Variants in PRPF40B observed in about 807,000 individuals in gnomAD.
PRPF40B encodes pre-mRNA-processing factor 40 homolog B.
A neutral mutation model predicts 124.5 loss-of-function variants in PRPF40B; 56 were observed. That is an observed-to-expected ratio of 0.45 (90% CI 0.36 to 0.56). The LOEUF (loss-of-function observed/expected upper bound fraction) is 0.56, where lower values mean the gene tolerates loss of function less well. Among genes scored for constraint, PRPF40B ranks in the 20% least tolerant of loss-of-function variants. The probability of loss-of-function intolerance (pLI) is 0.00; values close to 1 mark genes in which losing one functional copy is unlikely to be tolerated. For synonymous variants in PRPF40B, 443 were observed against 426.4 expected (o/e 1.04, Z -0.48); for missense variants, 1,053 against 1,169.5 (o/e 0.90, Z 1.45).
At position 49,633,459 on chromosome 12, in the gene PRPF40B, CA is replaced by C; in HGVS notation, c.494del (p.Lys165SerfsTer28). 6.2e-7 allele frequency: 1 copy of C among 1,614,202 alleles called. No individual in the cohort carries two copies. On this transcript the variant is annotated frameshift_variant, in exon 8 of 26. Coordinates refer to ENST00000548825, the MANE Select transcript of PRPF40B (RefSeq NM_001031698.3). LOFTEE classifies it high-confidence loss of function. The stretch of plus-strand genomic sequence containing the variant: ...TGTCCCAATGTCCCTGGAAAGAGTA[CA>C]AGTCGGACACAGGCAAACCTTATTA... ...LLSQCPWKEY[K>X]SDTGKPYYYN... is the part of the protein sequence containing the mutation.
At chr12:49,632,022 T>C (rs1296922768) in intron 4 of PRPF40B, 97 bp downstream of exon 4, 4 of 1,234,472 alleles carry the variant, frequency 3.2e-6, no homozygotes, top group Non-Finnish European at 4.8e-6. Context: ...TTCCCTCTTC[T>C]CATCGCATCC....
rs1941234831 is a variant in PRPF40B at position 49,631,609 on chromosome 12, G to A, written c.228+65G>A. 2.0e-6 allele frequency: 3 copies of A among 1,509,190 alleles called. No homozygotes were observed. The highest frequency in any genetic ancestry group is 1.4e-5 in the African/African-American group (1 of 71,524). 93.5% of individuals were successfully genotyped at this position (1,509,190 alleles called of 1,614,324 possible). ...TCAGTTTAGCTGGGGGTGGAGATAAGAGCGGGCATGTAGGCCTCAGAAACT... is the reference window on the plus strand; with the variant it reads ...TCAGTTTAGCTGGGGGTGGAGATAAAAGCGGGCATGTAGGCCTCAGAAACT... On this transcript the variant is annotated intron_variant, in intron 3 of 25. Coordinates refer to ENST00000548825, the MANE Select transcript of PRPF40B (RefSeq NM_001031698.3). The surrounding 1 kb of genome is among the most constrained non-coding windows in gnomAD (Gnocchi z 4.3).
At chr12:49,636,595 C>G in intron 15 of PRPF40B, 121 bp from the exon 16 acceptor site, 2 of 1,408,858 alleles carry the variant, frequency 1.4e-6, no homozygotes, top group Non-Finnish European at 9.8e-7. Context: ...CAGGCCCTTC[C>G]CCCACCACCC....
At chr12:49,632,816 G>A in intron 5 of PRPF40B, 39 bp from the exon 6 acceptor site, 1 of 1,613,960 alleles carries the variant, frequency 6.2e-7, no homozygotes, top group Non-Finnish European at 8.5e-7. Flanking sequence ...ATGGAGGTCG[G>A]AGCAAGGACT....
At chr12:49,627,681 A>C (rs1040417397) in intron 1 of PRPF40B, among the ~76,000 whole-genome samples, 1 of 152,166 alleles carries the variant, frequency 6.6e-6, no homozygotes, top group East Asian at 1.9e-4. Context: ...GTGGGAAGCC[A>C]TTGAAGAGTT....
At position 49,633,465 on chromosome 12, in the gene PRPF40B, G is replaced by A. The variant is rs778921618; in HGVS notation, c.498G>A (p.Ser166=). 8.1e-6 allele frequency: 13 copies of A among 1,614,124 alleles called. No individual in the cohort carries two copies. The highest frequency in any genetic ancestry group is 1.6e-4 in the Middle Eastern group (1 of 6,062). The change falls in exon 8 of 26, where the codon TCG becomes TCA. Residue 166 remains serine, a synonymous_variant. Transcript: ENST00000548825. ...LSQCPWKEYK[S]DTGKPYYYNN... is the part of the protein sequence containing the mutation. ...AATGTCCCTGGAAAGAGTACAAGTC[G>A]GACACAGGCAAACCTTATTACTATA...
chr12:49,643,770 T>C lies in PRPF40B; in HGVS notation c.2442+18T>C, dbSNP rs200990114. On this transcript the variant is annotated intron_variant, in intron 24 of 25. Transcript: ENST00000548825. ...ACAAGTCGGTGAGTGAAGGAACTTCTACCTAAGCCCCTGCTATTTTGTGAG... is the reference window on the plus strand; with the variant it reads ...ACAAGTCGGTGAGTGAAGGAACTTCCACCTAAGCCCCTGCTATTTTGTGAG... The C allele has an allele frequency of 9.4e-4, 1,518 of 1,613,512 alleles. No homozygotes were observed. Among genetic ancestry groups the C allele is most frequent in the Non-Finnish European group, 1.2e-3 (1,463 of 1,179,908 alleles).
chr12:49,644,010 G>C lies in PRPF40B; in HGVS notation c.2586+6G>C, dbSNP rs760210737. ...TTGGAATCAAGAAGGAGAAGGTGAG[G>C]GGCAGGGGCCCTAGGCCAGTCAGCA... On this transcript the variant is annotated splice_donor_region_variant and intron_variant, in intron 25 of 25. Transcript: ENST00000548825. 3 of 1,613,996 alleles carry C rather than the reference G, an allele frequency of 1.9e-6. No homozygotes were observed. The highest frequency in any genetic ancestry group is 2.5e-6 in the Non-Finnish European group (3 of 1,180,004).
At position 49,643,417 on chromosome 12, in the gene PRPF40B, G is replaced by C. The variant is rs374374885; in HGVS notation, c.2380+20G>C. On this transcript the variant is annotated intron_variant, in intron 23 of 25. Coordinates refer to ENST00000548825, the MANE Select transcript of PRPF40B (RefSeq NM_001031698.3). ...GAGCAGGTAAGCAGTTGCTGTGAGCGTAGAAGCTGGAGAACTGTTGTCCCA... is the reference window on the plus strand; with the variant it reads ...GAGCAGGTAAGCAGTTGCTGTGAGCCTAGAAGCTGGAGAACTGTTGTCCCA... 13 of 1,535,172 alleles carry C rather than the reference G, an allele frequency of 8.5e-6. No homozygotes were observed. Among genetic ancestry groups the C allele is most frequent in the Middle Eastern group, 1.8e-4 (1 of 5,588 alleles).
rs1294006307 is a variant in PRPF40B at position 49,642,031 on chromosome 12, G to T, written c.1884+7G>T. On this transcript the variant is annotated splice_region_variant and intron_variant, in intron 19 of 25. Coordinates refer to ENST00000548825, the MANE Select transcript of PRPF40B (RefSeq NM_001031698.3). This position sits in a 1 kb window ranked among gnomAD's most constrained non-coding sequence, Gnocchi z 5.8. ...CAAGCTGACCTTCAATAGTGTGAGG[G>T]GCTGGGCGGGGCGTGGGAAGTTCTC... is the stretch of plus-strand genomic sequence containing the variant. 1.2e-6 allele frequency: 2 copies of T among 1,611,070 alleles called. No individual in the cohort carries two copies. The highest frequency in any genetic ancestry group is 3.3e-5 in the Admixed American group (2 of 60,026).
intron 2 of PRPF40B, among the ~76,000 whole-genome samples, chr12:49,630,829 T>TGTCTTTTTG (rs564895257): frequency 1.9e-4 from 29 of 152,308 alleles, no homozygotes; most frequent in Admixed American, 1.4e-3. Flanking sequence ...ATTCCCCCTT[T>TGTCTTTTTG]GTCTTTTTGA....
intron 18 of PRPF40B, chr12:49,638,499 A>G (rs1555211951): frequency 6.6e-6 from 1 of 152,176 alleles, no homozygotes; most frequent in Non-Finnish European, 1.5e-5. Flanking sequence ...ACCATCACAC[A>G]TGGCCTGTTG....
intron 1 of PRPF40B, among the ~76,000 whole-genome samples, chr12:49,625,462 T>G (rs1940619928): frequency 6.6e-6 from 1 of 152,250 alleles, no homozygotes; most frequent in Admixed American, 6.5e-5. Context: ...TAATAAGTGC[T>G]CAGTAAATAT....
At chr12:49,623,678 A>G in intron 1 of PRPF40B, 85 bp downstream of exon 1, 1 of 1,034,996 alleles carries the variant, frequency 9.7e-7, no homozygotes, top group African/African-American at 1.9e-5. Context: ...TGGGGCGGGG[A>G]GGCCGCTGGG....
In PRPF40B at chr12:49,633,085, C is replaced by T. The variant is rs756720956; in HGVS notation, c.420C>T (p.Ser140=). The change falls in exon 7 of 26, where the codon TCC becomes TCT. Residue 140 remains serine, a synonymous_variant. Coordinates refer to ENST00000548825, the MANE Select transcript of PRPF40B (RefSeq NM_001031698.3). The part of the protein sequence containing the change: ...IYYYNADDKQ[S]VWEKPSVLKS... ...ACTACAATGCTGACGACAAGCAGTC[C>T]GTGTGGGAGAAGCCCAGCGTGCTCA... 6.3e-5 allele frequency: 100 copies of T among 1,596,164 alleles called. No individual in the cohort carries two copies. Among genetic ancestry groups the T allele is most frequent in the Non-Finnish European group, 7.7e-5 (90 of 1,171,670 alleles).
At chr12:49,634,993 T>C (rs1050454627) in intron 12 of PRPF40B, 106 bp from the exon 13 acceptor site, 15 of 1,218,810 alleles carry the variant, frequency 1.2e-5, no homozygotes, top group Non-Finnish European at 1.6e-5. Context: ...ATCTGTGCCC[T>C]TGGAGCCCCT....
intron 1 of PRPF40B, 94 bp downstream of exon 1, chr12:49,623,687 G>T (rs1255506998): frequency 4.1e-6 from 5 of 1,223,626 alleles, no homozygotes; most frequent in Non-Finnish European, 5.1e-6. Flanking sequence ...GAGGCCGCTG[G>T]GGATAGCTGG....
intron 12 of PRPF40B, 108 bp downstream of exon 12, chr12:49,634,710 A>C: frequency 2.9e-6 from 4 of 1,396,320 alleles, no homozygotes; most frequent in Non-Finnish European, 4.0e-6. Context: ...CAGAGTCAGG[A>C]CAGTGATAGA....
At position 49,635,326 on chromosome 12, in the gene PRPF40B, G is replaced by C. The variant is rs1166686333; in HGVS notation, c.1167-39G>C. 6.2e-7 allele frequency: 1 copy of C among 1,609,360 alleles called. No individual in the cohort carries two copies. The highest frequency in any genetic ancestry group is 1.3e-5 in the African/African-American group (1 of 74,822). On this transcript the variant is annotated intron_variant, in intron 13 of 25. Coordinates refer to ENST00000548825, the MANE Select transcript of PRPF40B (RefSeq NM_001031698.3). The surrounding 1 kb of genome is among the most constrained non-coding windows in gnomAD (Gnocchi z 4.1). Reference sequence around the variant, plus strand: ...GAGAACACAAAGGTCCAGGGTCTCTGTTCTCTGTCTACCTACTCACAGCTT... The same window carrying C: ...GAGAACACAAAGGTCCAGGGTCTCTCTTCTCTGTCTACCTACTCACAGCTT...
Sources: allele counts gnomAD v4.1 joint callset (sites outside exome capture counted in the v4.1 genomes callset), GRCh38; gene constraint gnomAD v4.1.1; non-coding constraint Gnocchi (gnomAD v3.1); transcripts MANE v1.5; gene names NCBI Gene and HGNC (gene_info 2026-07-23, HGNC 2026-07-21).